Variants in TRRAP observed in about 807,000 individuals in gnomAD.
TRRAP encodes the protein transformation/transcription domain-associated protein.
In TRRAP, 41 loss-of-function variants were observed where a neutral mutation model predicts 438.8. The observed-to-expected ratio is 0.09, with a 90% CI of 0.07 to 0.12. The LOEUF is 0.12. Ranked by LOEUF, TRRAP falls within the 10% of genes least tolerant of loss-of-function variation. The pLI is 1.00. For synonymous variants in TRRAP, 1,994 were observed against 1,962.9 expected, an observed-to-expected ratio of 1.02 and a Z score of -0.42; for missense variants, 3,122 against 5,055.1, an observed-to-expected ratio of 0.62 and a Z score of 11.60.
At chr7:98,905,859 G>A (rs1796703453) in intron 12 of TRRAP, among the ~76,000 whole-genome samples, 1 of 152,156 alleles carries the variant, frequency 6.6e-6, no homozygotes, top group Non-Finnish European at 1.5e-5. Context: ...GTTTAAGGAT[G>A]GTGGGATGTG....
chr7:98,897,222 G>A lies in TRRAP; in HGVS notation c.508-519G>A, dbSNP rs538759312. On this transcript the variant is annotated intron_variant, in intron 7 of 72. Transcript: ENST00000456197. ...TGCACTCCAGCCTGGGCAACAGAGCGAGACTCTGTCTCAAGAAAGAAGAAA... is the reference window on the plus strand; with the variant it reads ...TGCACTCCAGCCTGGGCAACAGAGCAAGACTCTGTCTCAAGAAAGAAGAAA... Among the ~76,000 whole-genome samples, 28 of 152,186 alleles carry A rather than the reference G, an allele frequency of 1.8e-4. 1 individual carries two copies. The highest frequency in any genetic ancestry group is 5.1e-4 in the African/African-American group (21 of 41,504).
intron 69 of TRRAP, among the ~76,000 whole-genome samples, chr7:99,007,439 C>A (rs866467171): frequency 6.6e-6 from 1 of 152,200 alleles, no homozygotes; most frequent in South Asian, 2.1e-4. Context: ...ACCTCCACCT[C>A]CTGGGTTCAA....
chr7:98,906,896 A>AT (rs1188165975), intron 13 of TRRAP, among the ~76,000 whole-genome samples: 8 of 151,676 alleles, frequency 5.3e-5, no homozygotes, highest in Non-Finnish European at 8.8e-5. Flanking sequence ...TTAAAAAGAA[A>AT]TTTTTTTTTA....
Position 98,983,324 on chromosome 7 carries a change from A to C in TRRAP, c.8887A>C (p.Thr2963Pro). ...ACAAATCAACGCAGGCTTACAGCCA[A>C]CCAACCTGGGAAGGAACAACAGCCT... Reference protein sequence around the residue: ...AAQINAGLQPTNLGRNNSLHD... With the variant: ...AAQINAGLQPPNLGRNNSLHD... The change falls in exon 60 of 73, where the codon ACC (threonine) becomes CCC (proline). Residue 2963 changes from threonine (T) to proline (P), a missense_variant. By Grantham distance (38) the Thr-to-Pro change is conservative. Transcript: ENST00000456197. The C allele has an allele frequency of 6.2e-7, 1 of 1,614,212 alleles. No homozygotes were observed. Among genetic ancestry groups the C allele is most frequent in the Non-Finnish European group, 8.5e-7 (1 of 1,180,036 alleles).
intron 43 of TRRAP, 79 bp from the exon 44 acceptor site, chr7:98,957,902 T>C: frequency 8.0e-7 from 1 of 1,242,782 alleles, no homozygotes; most frequent in Middle Eastern, 2.0e-4. Flanking sequence ...GCATACCCAT[T>C]AGCTGGGTGA....
chr7:98,998,981 G>A (rs901939814), intron 67 of TRRAP: 17 of 621,384 alleles, frequency 2.7e-5, no homozygotes, highest in Non-Finnish European at 4.3e-5. Flanking sequence ...GTACAGCCAG[G>A]CCCTGCAGGC....
At chr7:98,937,095 G>T in intron 28 of TRRAP, 61 bp from the exon 29 acceptor site, 1 of 1,531,932 alleles carries the variant, frequency 6.5e-7, no homozygotes, top group Non-Finnish European at 8.8e-7. Context: ...ATACAGAGAA[G>T]AAAATTATTT....
chr7:98,949,630 A>T, intron 36 of TRRAP, 30 bp from the exon 37 acceptor site: 1 of 1,600,108 alleles, frequency 6.2e-7, no homozygotes. Context: ...TAATCGAGAC[A>T]CGGTTCCCTA....
At chr7:98,923,611 T>C (rs1252925114) in intron 21 of TRRAP, among the ~76,000 whole-genome samples, 6 of 152,230 alleles carry the variant, frequency 3.9e-5, no homozygotes, top group African/African-American at 1.4e-4. Context: ...CATTTACAAC[T>C]GCTACTGATC....
chr7:98,961,509 A>G (rs759829903), intron 46 of TRRAP, 35 bp downstream of exon 46: 1 of 1,606,596 alleles, frequency 6.2e-7, no homozygotes, highest in Admixed American at 1.7e-5. Context: ...TTTTCTTTCA[A>G]AGTGGACGGT....
In TRRAP at chr7:98,948,382, C is replaced by G. The variant is rs1791181370; in HGVS notation, c.4668+42C>G. The G allele has an allele frequency of 6.2e-7, 1 of 1,613,454 alleles. No individual in the cohort carries two copies. The highest frequency in any genetic ancestry group is 1.3e-5 in the African/African-American group (1 of 74,920). On this transcript the variant is annotated intron_variant, in intron 34 of 72. Coordinates refer to ENST00000456197, the MANE Select transcript of TRRAP (RefSeq NM_001375524.1). This position sits in a 1 kb window ranked among gnomAD's most constrained non-coding sequence, Gnocchi z 4.9. ...AGGCTGCTTCTCGCTCTGCCACCCT[C>G]CGGTGCTTATAGCGTCCTCACTTGA...
intron 53 of TRRAP, among the ~76,000 whole-genome samples, chr7:98,975,234 G>T (rs946440780): frequency 6.6e-6 from 1 of 152,218 alleles, no homozygotes; most frequent in African/African-American, 2.4e-5. Context: ...TGTATCCTTG[G>T]TGTCTGTTTT....
At chr7:98,962,504 T>C (rs931244384) in intron 47 of TRRAP, 77 bp downstream of exon 47, 1 of 1,604,692 alleles carries the variant, frequency 6.2e-7, no homozygotes, top group African/African-American at 1.3e-5. Flanking sequence ...TGCTTCCCTT[T>C]GGGAAAGGGC....
At chr7:99,001,793 C>T (rs1249880652) in intron 67 of TRRAP, among the ~76,000 whole-genome samples, 1 of 152,144 alleles carries the variant, frequency 6.6e-6, no homozygotes, top group Non-Finnish European at 1.5e-5. Context: ...TCAGAAATGG[C>T]GCACTCCATT....
chr7:98,993,769 C>G, intron 66 of TRRAP, 32 bp downstream of exon 66: 1 of 1,608,454 alleles, frequency 6.2e-7, no homozygotes, highest in Non-Finnish European at 8.5e-7. Context: ...CATGGTGGCT[C>G]CTTGTAGAGG....
In TRRAP at chr7:98,942,981, G is replaced by A. The variant is rs1554416025; in HGVS notation, c.4437G>A (p.Val1479=). The change falls in exon 31 of 73, where the codon GTG becomes GTA. Residue 1479 remains valine, a synonymous_variant. Coordinates refer to ENST00000456197, the MANE Select transcript of TRRAP (RefSeq NM_001375524.1). ...QHLRKWMEVV[V]ITHKGGQRSD... Reference sequence around the variant, plus strand: ...TGCGCAAGTGGATGGAAGTGGTGGTGATCACCCACAAAGGGGGCCAGAGGA... The same window carrying A: ...TGCGCAAGTGGATGGAAGTGGTGGTAATCACCCACAAAGGGGGCCAGAGGA... 1.9e-6 allele frequency: 3 copies of A among 1,614,150 alleles called. No individual in the cohort carries two copies. Among genetic ancestry groups the A allele is most frequent in the Non-Finnish European group, 2.5e-6 (3 of 1,180,038 alleles).
intron 21 of TRRAP, among the ~76,000 whole-genome samples, chr7:98,922,748 G>T (rs1451726843): frequency 6.6e-6 from 1 of 151,998 alleles, no homozygotes; most frequent in Non-Finnish European, 1.5e-5. Flanking sequence ...GCCTGCTGGG[G>T]TCCTGAGCCT....
chr7:98,993,268 T>C (rs895501389), intron 65 of TRRAP, among the ~76,000 whole-genome samples: 1 of 152,266 alleles, frequency 6.6e-6, no homozygotes, highest in African/African-American at 2.4e-5. Flanking sequence ...TTGTCACATC[T>C]GCATCCTCCT....
Position 98,925,192 on chromosome 7 carries a change from A to G in TRRAP, c.2904A>G (p.Lys968=). ...GGAGGCAGGCGTGGGAAGTGATCAA[A>G]TGCTTCCTGGTGGCCATGATGAGCC... ...YYRRQAWEVI[K]CFLVAMMSLE... Residue 968 remains lysine (K), a synonymous_variant, in exon 22 of 73, where the codon AAA becomes AAG. Coordinates refer to ENST00000456197, the MANE Select transcript of TRRAP (RefSeq NM_001375524.1). 6.2e-7 allele frequency: 1 copy of G among 1,614,168 alleles called. No individual in the cohort carries two copies. Among genetic ancestry groups the G allele is most frequent in the Non-Finnish European group, 8.5e-7 (1 of 1,180,030 alleles).
Sources: gnomAD v4.1 joint callset for allele counts (sites outside exome capture counted in the v4.1 genomes callset) on GRCh38, gnomAD v4.1.1 for gene constraint, Gnocchi (gnomAD v3.1) non-coding constraint, MANE v1.5 for transcripts, NCBI Gene and HGNC (gene_info 2026-07-23, HGNC 2026-07-21) for gene names.